The following PLCH1 variants were observed in gnomAD, a reference collection of about 807,000 sequenced individuals.
PLCH1 encodes the protein phospholipase C eta 1.
Under a neutral mutation model 126.7 loss-of-function variants are expected in PLCH1, and 60 were observed. The observed-to-expected ratio is 0.47, with a 90% CI of 0.38 to 0.59. PLCH1 has a LOEUF of 0.59. PLCH1 is among the 20% of genes least tolerant of loss of function. The probability of loss-of-function intolerance (pLI) is 0.00; values close to 1 mark genes in which losing one functional copy is unlikely to be tolerated. For missense variants in PLCH1, 1,723 were observed against 2,040.0 expected, an observed-to-expected ratio of 0.84 and a Z score of 2.99; for synonymous variants, 719 against 734.9, an observed-to-expected ratio of 0.98 and a Z score of 0.35.
chr3:155,633,597 T>C (rs1341174942), intron 2 of PLCH1, among the ~76,000 whole-genome samples: 3 of 152,226 alleles, frequency 2.0e-5, no homozygotes, highest in South Asian at 2.1e-4. Flanking sequence ...AAGTAGTTGA[T>C]GAATAAATCA....
chr3:155,678,440 C>T, intron 2 of PLCH1, among the ~76,000 whole-genome samples: 1 of 152,194 alleles, frequency 6.6e-6, no homozygotes, highest in East Asian at 1.9e-4. Context: ...CAAAGGAGCA[C>T]TCACAGATTT....
At chr3:155,642,433 C>A (rs930127946) in intron 2 of PLCH1, among the ~76,000 whole-genome samples, 3 of 152,136 alleles carry the variant, frequency 2.0e-5, no homozygotes, top group Admixed American at 2.0e-4. Context: ...TTTTATGGGT[C>A]AACTTGACTG....
chr3:155,731,581 G>C (rs1748773469), intron 1 of PLCH1, among the ~76,000 whole-genome samples: 1 of 152,096 alleles, frequency 6.6e-6, no homozygotes, highest in Non-Finnish European at 1.5e-5. Flanking sequence ...ATCTTTGGAA[G>C]GGCTGACTGA....
chr3:155,725,010 G>T, intron 1 of PLCH1, among the ~76,000 whole-genome samples: 1 of 152,164 alleles, frequency 6.6e-6, no homozygotes, highest in East Asian at 1.9e-4. Flanking sequence ...GTCTGAAAAA[G>T]ACTGTATCTT....
At chr3:155,667,935 A>C (rs1200770338) in intron 2 of PLCH1, among the ~76,000 whole-genome samples, 1 of 150,544 alleles carries the variant, frequency 6.6e-6, no homozygotes, top group Non-Finnish European at 1.5e-5. Flanking sequence ...AAATACAAAA[A>C]TTAGCCAGGA....
At chr3:155,454,730 G>A (rs1712394691) in intron 21 of PLCH1, among the ~76,000 whole-genome samples, 1 of 152,142 alleles carries the variant, frequency 6.6e-6, no homozygotes, top group Non-Finnish European at 1.5e-5. Flanking sequence ...TTCCAGGGAA[G>A]GAATCATTGG....
At chr3:155,643,125 T>A (rs1739599436) in intron 2 of PLCH1, among the ~76,000 whole-genome samples, 1 of 152,090 alleles carries the variant, frequency 6.6e-6, no homozygotes, top group African/African-American at 2.4e-5. Context: ...ATTTTTTTAT[T>A]TTTAGTAGAG....
At chr3:155,732,661 C>T (rs1748856801) in intron 1 of PLCH1, among the ~76,000 whole-genome samples, 1 of 151,802 alleles carries the variant, frequency 6.6e-6, no homozygotes, top group Admixed American at 6.6e-5. Flanking sequence ...GCGAATCACC[C>T]GAGGTCAGGA....
At chr3:155,692,773 T>C (rs1745493315) in intron 2 of PLCH1, among the ~76,000 whole-genome samples, 1 of 152,056 alleles carries the variant, frequency 6.6e-6, no homozygotes, top group Admixed American at 6.5e-5. Context: ...TTTTTTTTTT[T>C]TTGAGATGAG....
intron 22 of PLCH1, among the ~76,000 whole-genome samples, chr3:155,484,980 A>C (rs1237265537): frequency 6.6e-6 from 1 of 152,232 alleles, no homozygotes; most frequent in Admixed American, 6.5e-5. Context: ...GAAATGTGTT[A>C]TATGGTAAGA....
chr3:155,498,119 T>C (rs997373870), intron 14 of PLCH1, among the ~76,000 whole-genome samples: 1 of 152,234 alleles, frequency 6.6e-6, no homozygotes, highest in Non-Finnish European at 1.5e-5. Flanking sequence ...AGCATATCCA[T>C]GATGTATGTG....
intron 2 of PLCH1, among the ~76,000 whole-genome samples, chr3:155,622,053 C>T (rs1344324890): frequency 6.6e-6 from 1 of 152,232 alleles, no homozygotes; most frequent in African/African-American, 2.4e-5. Context: ...ATCAGACTGA[C>T]AGCAGATCTC....
intron 21 of PLCH1, 49 bp from the exon 22 acceptor site, chr3:155,485,759 C>T (rs777791429): frequency 1.3e-5 from 15 of 1,141,040 alleles, no homozygotes; most frequent in Non-Finnish European, 1.9e-5. Context: ...GCCATCACAT[C>T]AACAACTTGC....
At chr3:155,715,606 C>CTTTTTTTTTT (rs763813354) in intron 1 of PLCH1, among the ~76,000 whole-genome samples, 1 of 122,736 alleles carries the variant, frequency 8.1e-6, no homozygotes, top group African/African-American at 3.1e-5. Flanking sequence ...CATCTGGCCT[C>CTTTTTTTTTT]TTTTTTTTTT....
At chr3:155,514,332 C>T (rs1720013600) in intron 12 of PLCH1, among the ~76,000 whole-genome samples, 1 of 152,176 alleles carries the variant, frequency 6.6e-6, no homozygotes. Flanking sequence ...ATATGATCTT[C>T]CTTCTGCCTG....
intron 2 of PLCH1, among the ~76,000 whole-genome samples, chr3:155,672,732 A>G (rs1211699353): frequency 6.6e-6 from 1 of 152,244 alleles, no homozygotes. Context: ...TAACTAATTT[A>G]TCCCAAATAC....
intron 2 of PLCH1, among the ~76,000 whole-genome samples, chr3:155,630,178 T>A (rs1737862299): frequency 6.6e-6 from 1 of 152,206 alleles, no homozygotes; most frequent in African/African-American, 2.4e-5. Context: ...AACAAACAGA[T>A]CTAAAGGAGA....
At position 155,608,495 on chromosome 3, in the gene PLCH1, A is replaced by G. The variant is rs1734638835; in HGVS notation, c.80-12117T>C. Among the ~76,000 whole-genome samples, 3 of 152,116 alleles carry G rather than the reference A, an allele frequency of 2.0e-5. No individual in the cohort carries two copies. The South Asian group carries it at 6.2e-4, about 32-fold the overall frequency. On this transcript the variant is annotated intron_variant, in intron 2 of 22. Transcript: ENST00000460012. ...CTGCATATAAACTGCACGAAGCTGC[A>G]TGGGAGCTGAGTGAGGCCTGTCACT...
At chr3:155,725,451 C>CTTTTTTTTTTTTTTTTTTTTTTT (rs34876965) in intron 1 of PLCH1, among the ~76,000 whole-genome samples, 1 of 140,340 alleles carries the variant, frequency 7.1e-6, no homozygotes, top group Non-Finnish European at 1.5e-5. Flanking sequence ...ATTTTAGACA[C>CTTTTTTTTTTTTTTTTTTTTTTT]TTTTTTTTTT....
Sources: allele counts gnomAD v4.1 joint callset (sites outside exome capture counted in the v4.1 genomes callset), GRCh38; gene constraint gnomAD v4.1.1; transcripts MANE v1.5; gene names NCBI Gene and HGNC (gene_info 2026-07-23, HGNC 2026-07-21).